CLPB: variants seen among roughly 807,000 people sequenced by gnomAD.
The protein encoded by CLPB is mitochondrial disaggregase.
CLPB carries 40 observed loss-of-function variants against 78.4 expected under a neutral mutation model. The observed-to-expected ratio is 0.51, with a 90% CI of 0.40 to 0.66. CLPB has a LOEUF of 0.66. Ranked by LOEUF, CLPB falls within the 30% of genes least tolerant of loss-of-function variation. CLPB has a pLI of 0.00. For missense variants in CLPB, 780 were observed against 886.9 expected (o/e 0.88, Z 1.53); for synonymous variants, 333 against 348.0 (o/e 0.96, Z 0.48).
chr11:72,370,467 A>T (rs1951022026), intron 4 of CLPB, among the ~76,000 whole-genome samples: 1 of 152,184 alleles, frequency 6.6e-6, no homozygotes, highest in African/African-American at 2.4e-5. Context: ...ACATGTAGAA[A>T]CATTGGCCAT....
chr11:72,315,471 C>A (rs1240368411), intron 7 of CLPB, among the ~76,000 whole-genome samples: 1 of 152,194 alleles, frequency 6.6e-6, no homozygotes, highest in African/African-American at 2.4e-5. Context: ...TGGCCCTAGA[C>A]CAGAGAGGCC....
At chr11:72,387,527 T>C (rs1036804780) in intron 3 of CLPB, among the ~76,000 whole-genome samples, 7 of 151,808 alleles carry the variant, frequency 4.6e-5, no homozygotes, top group Non-Finnish European at 7.3e-5. Context: ...CAAAGCTCTA[T>C]CATTTACTGA....
intron 5 of CLPB, among the ~76,000 whole-genome samples, chr11:72,358,121 G>A (rs1364759497): frequency 6.6e-6 from 1 of 152,216 alleles, no homozygotes; most frequent in East Asian, 1.9e-4. Context: ...AGCACTACCA[G>A]ACTTGGACAG....
At position 72,309,598 on chromosome 11, in the gene CLPB, T is replaced by C. The variant is rs375204659; in HGVS notation, c.989-994A>G. ...CTGAACACGAAACTGAGGCAACAGA[T>C]AGAGACTTGCCCAAGTCACACAACT... is the stretch of plus-strand genomic sequence containing the variant. On this transcript the variant is annotated intron_variant, in intron 7 of 15. Coordinates refer to ENST00000538039, the MANE Select transcript of CLPB (RefSeq NM_001258392.3). Among the ~76,000 whole-genome samples the C allele has an allele frequency of 2.0e-5, 3 of 152,184 alleles. No homozygotes were observed. The East Asian group carries it at 5.8e-4, about 29-fold the overall frequency.
At chr11:72,332,125 T>C (rs1267493431) in intron 5 of CLPB, among the ~76,000 whole-genome samples, 1 of 152,070 alleles carries the variant, frequency 6.6e-6, no homozygotes, top group African/African-American at 2.4e-5. Context: ...GTGCAGAATA[T>C]TGATAAATAT....
chr11:72,381,820 G>A (rs1854924747), intron 3 of CLPB, among the ~76,000 whole-genome samples: 1 of 152,080 alleles, frequency 6.6e-6, no homozygotes, highest in Admixed American at 6.5e-5. Context: ...GCCAGCACCT[G>A]TGGACACAGG....
intron 4 of CLPB, among the ~76,000 whole-genome samples, chr11:72,364,819 C>CT (rs74568120): frequency 0.016 from 2,476 of 152,270 alleles, 87 homozygotes; most frequent in East Asian, 0.12. Context: ...GCAAAACTGA[C>CT]TGTGTGACTT....
intron 4 of CLPB, among the ~76,000 whole-genome samples, chr11:72,362,592 T>C (rs1232134244): frequency 6.6e-6 from 1 of 152,212 alleles, no homozygotes; most frequent in Non-Finnish European, 1.5e-5. Context: ...TTACTGACTG[T>C]GTAATCTTGG....
chr11:72,398,512 C>T (rs1412796927), intron 3 of CLPB, among the ~76,000 whole-genome samples: 1 of 152,052 alleles, frequency 6.6e-6, no homozygotes, highest in Non-Finnish European at 1.5e-5. Context: ...ATCAAAGTGC[C>T]TTCCACCGTC....
At chr11:72,368,336 T>C (rs55930012) in intron 4 of CLPB, among the ~76,000 whole-genome samples, 27,799 of 152,122 alleles carry the variant, frequency 0.18, 4,215 homozygotes, top group African/African-American at 0.42. Flanking sequence ...CTCATGAGAA[T>C]CCTACTAGGC....
intron 2 of CLPB, among the ~76,000 whole-genome samples, chr11:72,419,620 T>C (rs1278290263): frequency 6.6e-6 from 1 of 152,194 alleles, no homozygotes; most frequent in African/African-American, 2.4e-5. Context: ...CCTTTTTCAG[T>C]CCTTCACACT....
At chr11:72,385,704 T>C (rs1298733841) in intron 3 of CLPB, among the ~76,000 whole-genome samples, 1 of 152,140 alleles carries the variant, frequency 6.6e-6, no homozygotes, top group African/African-American at 2.4e-5. Flanking sequence ...ATGTCTGTAA[T>C]CCCAGCTACT....
chr11:72,420,992 T>G (rs1367623956), intron 2 of CLPB, among the ~76,000 whole-genome samples: 1 of 152,236 alleles, frequency 6.6e-6, no homozygotes, highest in African/African-American at 2.4e-5. Flanking sequence ...AAACCCCATA[T>G]GTACTAAAAA....
At chr11:72,430,830 G>T (rs1286301059) in intron 1 of CLPB, among the ~76,000 whole-genome samples, 1 of 152,184 alleles carries the variant, frequency 6.6e-6, no homozygotes, top group Admixed American at 6.5e-5. Context: ...GGAGCAAGCA[G>T]GGTGTAGGCC....
At chr11:72,337,230 C>T in intron 5 of CLPB, 2 of 398,062 alleles carry the variant, frequency 5.0e-6, no homozygotes, top group Middle Eastern at 1.2e-3. Flanking sequence ...TTCTATAAAC[C>T]ACACCACTGA....
intron 5 of CLPB, among the ~76,000 whole-genome samples, chr11:72,354,018 A>C (rs916225125): frequency 6.6e-6 from 1 of 152,154 alleles, no homozygotes. Flanking sequence ...GGAGAAGTAC[A>C]TATGTCCTAA....
At chr11:72,391,573 ATTT>A (rs1459998029) in intron 3 of CLPB, among the ~76,000 whole-genome samples, 1 of 152,242 alleles carries the variant, frequency 6.6e-6, no homozygotes, top group Non-Finnish European at 1.5e-5. Flanking sequence ...GAAATCATTA[ATTT>A]ATTTGATGGA....
intron 2 of CLPB, among the ~76,000 whole-genome samples, chr11:72,422,604 T>C (rs1350058882): frequency 6.6e-6 from 1 of 152,188 alleles, no homozygotes; most frequent in Non-Finnish European, 1.5e-5. Flanking sequence ...CCTTGACCTT[T>C]GGTCTAGGAT....
intron 5 of CLPB, chr11:72,354,229 A>G: frequency 5.1e-6 from 2 of 390,846 alleles, no homozygotes; most frequent in Non-Finnish European, 9.0e-6. Context: ...ACATACAAAA[A>G]AAAATTGACT....
Sources: gnomAD v4.1 joint callset for allele counts (sites outside exome capture counted in the v4.1 genomes callset) on GRCh38, gnomAD v4.1.1 for gene constraint, MANE v1.5 for transcripts, NCBI Gene and HGNC (gene_info 2026-07-23, HGNC 2026-07-21) for gene names.